SYNJ2: variants seen among roughly 807,000 people sequenced by gnomAD.
SYNJ2 encodes the protein polyphosphatidylinositol phosphatase SYNJ2.
SYNJ2 carries 116 observed loss-of-function variants against 141.3 expected under a neutral mutation model. The observed-to-expected ratio is 0.82, with a 90% confidence interval of 0.71 to 0.96. The LOEUF (loss-of-function observed/expected upper bound fraction) is 0.96, where lower values mean the gene tolerates loss of function less well. Ranked by LOEUF, SYNJ2 falls within the 40% of genes least tolerant of loss-of-function variation. The pLI is 0.00. For missense variants in SYNJ2, 1,873 were observed against 1,934.8 expected, an observed-to-expected ratio of 0.97 and a Z score of 0.60; for synonymous variants, 745 against 777.7, an observed-to-expected ratio of 0.96 and a Z score of 0.70.
At chr6:158,031,246 GCT>G (rs1779344895) in intron 3 of SYNJ2, among the ~76,000 whole-genome samples, 1 of 152,236 alleles carries the variant, frequency 6.6e-6, no homozygotes, top group South Asian at 2.1e-4. Context: ...AGAGGTGAGA[GCT>G]CTCAGCGGCA....
intron 5 of SYNJ2, among the ~76,000 whole-genome samples, chr6:158,045,667 C>T (rs1413815721): frequency 3.3e-5 from 5 of 152,136 alleles, no homozygotes; most frequent in African/African-American, 1.2e-4. Flanking sequence ...GGCCACCTTC[C>T]CTCCTGTTTC....
intron 1 of SYNJ2, among the ~76,000 whole-genome samples, chr6:158,013,702 G>A (rs545432158): frequency 2.0e-5 from 3 of 152,184 alleles, no homozygotes; most frequent in Admixed American, 2.0e-4. Flanking sequence ...TGTGTTACCC[G>A]ATGAGCCTTT....
chr6:158,041,510 G>T (rs1173927181), intron 4 of SYNJ2, among the ~76,000 whole-genome samples: 1 of 152,212 alleles, frequency 6.6e-6, no homozygotes, highest in Non-Finnish European at 1.5e-5. Context: ...GAACTTTGGA[G>T]CTCCTTTCTT....
chr6:158,032,993 G>C (rs971744207), intron 3 of SYNJ2, among the ~76,000 whole-genome samples: 2 of 151,550 alleles, frequency 1.3e-5, no homozygotes, highest in Non-Finnish European at 2.9e-5. Flanking sequence ...TTAAATAACT[G>C]TTCCCATATT....
intron 4 of SYNJ2, among the ~76,000 whole-genome samples, chr6:158,041,236 T>G (rs1357230601): frequency 6.6e-6 from 1 of 152,158 alleles, no homozygotes; most frequent in Non-Finnish European, 1.5e-5. Flanking sequence ...GGACCCAGCT[T>G]GTGCTAATAC....
In SYNJ2 at chr6:158,096,152, A is replaced by G. The variant is rs1783788890; in HGVS notation, c.4279A>G (p.Asn1427Asp). ...NLLHHPKLLN[N>D]TWLSKSSDPL... Reference sequence around the variant, plus strand: ...TCTTCACCACCCTAAACTGTTGAATAACACTTGGCTTTCTAAGAGCTCAGA... The same window carrying G: ...TCTTCACCACCCTAAACTGTTGAATGACACTTGGCTTTCTAAGAGCTCAGA... The change falls in exon 27 of 27, where the codon AAC (asparagine) becomes GAC (aspartate). Residue 1427 changes from asparagine (N) to aspartate (D), a missense_variant. Physicochemically the swap from Asn to Asp is conservative, Grantham distance 23. Coordinates refer to ENST00000355585, the MANE Select transcript of SYNJ2 (RefSeq NM_003898.4). The G allele has an allele frequency of 4.3e-6, 7 of 1,614,120 alleles. No homozygotes were observed. Among genetic ancestry groups the G allele is most frequent in the Admixed American group, 3.3e-5 (2 of 60,006 alleles).
chr6:158,016,970 A>G, intron 1 of SYNJ2: 2 of 1,215,898 alleles, frequency 1.6e-6, no homozygotes, highest in Non-Finnish European at 2.1e-6. Context: ...TCCAGCCCCC[A>G]GGAAGCTGTC....
At chr6:158,062,202 G>C (rs777876853) in intron 8 of SYNJ2, 38 bp downstream of exon 8, 2 of 1,598,972 alleles carry the variant, frequency 1.3e-6, no homozygotes, top group Non-Finnish European at 1.7e-6. Flanking sequence ...TCTTCTGCTG[G>C]GGGGAAGCGT....
intron 4 of SYNJ2, among the ~76,000 whole-genome samples, chr6:158,035,673 A>T (rs1237475122): frequency 2.0e-5 from 3 of 152,150 alleles, no homozygotes; most frequent in Non-Finnish European, 4.4e-5. Context: ...CCCTGGTCAA[A>T]ACTTCTAATA....
At chr6:158,063,676 A>AC in intron 8 of SYNJ2, 115 bp from the exon 9 acceptor site, 5 of 634,098 alleles carry the variant, frequency 7.9e-6, no homozygotes, top group Non-Finnish European at 5.0e-6. Flanking sequence ...AAAAAAAAAA[A>AC]AAAAAAAAAA....
rs1781055137 is a variant in SYNJ2, at chr6:158,059,264, G to A, written c.865G>A (p.Val289Met). ...ACCCCGCTGCCTTTGCAGGCACATG[G>A]TGCTTCTGAAGGAGCAGTACGGGCA... ...ANAPAFDRHM[V>M]LLKEQYGQQV... Residue 289 changes from valine (V) to methionine (M), a missense_variant, in exon 7 of 27, where the codon GTG (valine) becomes ATG (methionine). Coordinates refer to ENST00000355585, the MANE Select transcript of SYNJ2 (RefSeq NM_003898.4). 1.3e-6 allele frequency: 2 copies of A among 1,549,372 alleles called. No homozygotes were observed. Among genetic ancestry groups the A allele is most frequent in the East Asian group, 4.9e-5 (2 of 40,906 alleles).
In SYNJ2 at chr6:158,027,544, T is replaced by C. The variant is rs538055489; in HGVS notation, c.215-1212T>C. 1 of 152,412 alleles carries C rather than the reference T, an allele frequency of 6.6e-6. No homozygotes were observed. Among genetic ancestry groups the C allele is most frequent in the African/African-American group, 2.4e-5 (1 of 41,578 alleles). The allele number at this position is 152,412 out of a possible 1,614,324, so 9.4% of individuals were successfully genotyped here. On this transcript the variant is annotated intron_variant, in intron 2 of 26. Coordinates refer to ENST00000355585, the MANE Select transcript of SYNJ2 (RefSeq NM_003898.4). This position sits in a 1 kb window ranked among gnomAD's most constrained non-coding sequence, Gnocchi z 4.6. Reference sequence around the variant, plus strand: ...TGGTGCCCCAGAGAGGGCTGCCTCATTCGCCTGGCTGCAGGGTCCGAGGTC... The same window carrying C: ...TGGTGCCCCAGAGAGGGCTGCCTCACTCGCCTGGCTGCAGGGTCCGAGGTC...
chr6:158,022,015 C>T (rs983664033), intron 2 of SYNJ2, among the ~76,000 whole-genome samples: 4 of 152,162 alleles, frequency 2.6e-5, no homozygotes, highest in Non-Finnish European at 5.9e-5. Context: ...CTGTGGCCGC[C>T]GCTGCCTACA....
Position 158,054,956 on chromosome 6 carries a change from C to G in SYNJ2, c.796-11C>G, listed in dbSNP as rs1370763624. On this transcript the variant is annotated splice_polypyrimidine_tract_variant and intron_variant, in intron 5 of 26. Transcript: ENST00000355585. ...AGGAAGAATCACTGTTGTTACTTCT[C>G]TTTGCTTTAGGTTGGCTCCCATCAT... 2 of 1,613,976 alleles carry G rather than the reference C, an allele frequency of 1.2e-6. No individual in the cohort carries two copies. The highest frequency in any genetic ancestry group is 2.2e-5 in the East Asian group (1 of 44,888).
chr6:158,053,573 A>T (rs1003052484), intron 5 of SYNJ2, among the ~76,000 whole-genome samples: 8 of 150,882 alleles, frequency 5.3e-5, no homozygotes, highest in Non-Finnish European at 1.0e-4. Context: ...CCATTCATCC[A>T]CTCATTCACC....
In SYNJ2 at chr6:158,061,973, C is replaced by G; in HGVS notation, c.955-19C>G. On this transcript the variant is annotated intron_variant, in intron 7 of 26. Coordinates refer to ENST00000355585, the MANE Select transcript of SYNJ2 (RefSeq NM_003898.4). ...CCCTTCCCTCTGCTCCCCTCACCGC[C>G]CTCCCCTCCTCTTTTCAGAAGCTGC... is the stretch of plus-strand genomic sequence containing the variant. 1.9e-6 allele frequency: 3 copies of G among 1,611,836 alleles called. No individual in the cohort carries two copies. Among genetic ancestry groups the G allele is most frequent in the Non-Finnish European group, 2.5e-6 (3 of 1,178,910 alleles).
intron 3 of SYNJ2, among the ~76,000 whole-genome samples, chr6:158,031,680 A>T (rs562675231): frequency 2.0e-5 from 3 of 152,194 alleles, no homozygotes; most frequent in African/African-American, 7.2e-5. Context: ...TGGCTGGCAC[A>T]TAAGGCAGAG....
chr6:158,009,582 C>A (rs927769), intron 1 of SYNJ2, among the ~76,000 whole-genome samples: 86,811 of 152,036 alleles, frequency 0.57, 25,331 homozygotes, highest in Middle Eastern at 0.74. Flanking sequence ...AATTCGTGGC[C>A]AGCCAAAGGG....
At chr6:158,010,408 G>A (rs1778220345) in intron 1 of SYNJ2, among the ~76,000 whole-genome samples, 1 of 152,218 alleles carries the variant, frequency 6.6e-6, no homozygotes, top group Non-Finnish European at 1.5e-5. Flanking sequence ...GCTGGAGGTG[G>A]GCAGTGAGGC....
Sources: allele counts gnomAD v4.1 joint callset (sites outside exome capture counted in the v4.1 genomes callset), GRCh38; gene constraint gnomAD v4.1.1; non-coding constraint Gnocchi (gnomAD v3.1); transcripts MANE v1.5; gene names NCBI Gene and HGNC (gene_info 2026-07-23, HGNC 2026-07-21).